The following DACH2 variants were observed in gnomAD, a reference collection of about 807,000 sequenced individuals.
DACH2 encodes the protein dachshund homolog 2.
DACH2 carries 17 observed loss-of-function variants against 35.8 expected under a neutral mutation model. The ratio of observed to expected loss-of-function variants is 0.48; its 90% CI spans 0.33 to 0.71. DACH2 has a LOEUF of 0.71. DACH2 is among the 30% of genes least tolerant of loss of function. The pLI, the probability that DACH2 is intolerant of heterozygous loss-of-function variation, is 0.02. For synonymous variants in DACH2, 195 were observed against 177.3 expected, an observed-to-expected ratio of 1.10 and a Z score of -0.79; for missense variants, 469 against 472.7, an observed-to-expected ratio of 0.99 and a Z score of 0.07.
At chrX:86,513,511 A>T (rs1303327544) in intron 2 of DACH2, among the ~76,000 whole-genome samples, 1 of 111,995 alleles carries the variant, frequency 8.9e-6, no homozygotes, top group Non-Finnish European at 1.9e-5. Context: ...CTGACTTTTT[A>T]TTTCATTATT....
At chrX:86,469,181 G>T (rs1292946099) in intron 2 of DACH2, among the ~76,000 whole-genome samples, 1 of 110,942 alleles carries the variant, frequency 9.0e-6, no homozygotes, top group African/African-American at 3.3e-5. Flanking sequence ...GGAGTAAAAT[G>T]GTGGTTACCA....
At position 86,215,698 on chromosome X, in the gene DACH2, G is replaced by C. The variant is rs900789045; in HGVS notation, c.488+66590G>C. ...GACTAGCCTGAAAAGAGATTGGTTA[G>C]AGTACAAGCACAAATGCTAGGGTCT... On this transcript the variant is annotated intron_variant, in intron 1 of 11. Coordinates refer to ENST00000373125, the MANE Select transcript of DACH2 (RefSeq NM_053281.3). 2.7e-5 allele frequency among the ~76,000 whole-genome samples: 3 copies of C among 111,582 alleles called. No homozygotes were observed. In the Admixed American group the frequency reaches 2.9e-4, roughly 11 times the overall value.
At chrX:86,791,137 G>A (rs756718830) in intron 7 of DACH2, among the ~76,000 whole-genome samples, 1 of 111,186 alleles carries the variant, frequency 9.0e-6, no homozygotes, top group East Asian at 2.8e-4. Flanking sequence ...GGTTAGTCTT[G>A]TTGTCTCAGG....
intron 11 of DACH2, chrX:86,827,783 G>A: frequency 8.6e-7 from 1 of 1,166,083 alleles, no homozygotes. Flanking sequence ...ACTGATGCCG[G>A]AACTCCAACT....
chrX:86,439,081 G>T (rs1453763162), intron 2 of DACH2, among the ~76,000 whole-genome samples: 4 of 111,576 alleles, frequency 3.6e-5, no homozygotes, highest in African/African-American at 1.3e-4. Context: ...TTTAATAATG[G>T]CTATTCTAAC....
chrX:86,725,788 T>G (rs2041461836), intron 6 of DACH2, among the ~76,000 whole-genome samples: 1 of 111,384 alleles, frequency 9.0e-6, no homozygotes, highest in Admixed American at 9.5e-5. Context: ...CTCGTGTTGC[T>G]GGTGCCTGCA....
intron 1 of DACH2, among the ~76,000 whole-genome samples, chrX:86,270,089 T>C (rs767923604): frequency 7.9e-4 from 83 of 104,667 alleles, no homozygotes; most frequent in African/African-American, 2.8e-3. Context: ...TATTTTGTCA[T>C]TCAGATGATT....
rs746283307 is a variant in DACH2 at position 86,536,173 on chromosome X, C to T, written c.640+21782C>T. On this transcript the variant is annotated intron_variant, in intron 3 of 11. Coordinates refer to ENST00000373125, the MANE Select transcript of DACH2 (RefSeq NM_053281.3). ...TTTCTTTGGGAAGAAAACACATGCA[C>T]AAATTCTGATGTTAGGAATATTTTA... 3.6e-5 allele frequency among the ~76,000 whole-genome samples: 4 copies of T among 110,653 alleles called. No individual in the cohort carries two copies. The South Asian group carries it at 1.6e-3, about 43-fold the overall frequency.
chrX:86,308,073 C>A (rs367930620), intron 1 of DACH2, among the ~76,000 whole-genome samples: 2 of 112,105 alleles, frequency 1.8e-5, no homozygotes, highest in South Asian at 3.7e-4. Flanking sequence ...GGAAGGGATC[C>A]AAAGGCTTAG....
At chrX:86,163,013 C>T (rs1490717131) in intron 1 of DACH2, among the ~76,000 whole-genome samples, 1 of 110,410 alleles carries the variant, frequency 9.1e-6, no homozygotes, top group Non-Finnish European at 1.9e-5. Context: ...GTGGGGTATC[C>T]CTCCACTCAA....
At chrX:86,509,417 T>C (rs1186457167) in intron 2 of DACH2, among the ~76,000 whole-genome samples, 1 of 111,642 alleles carries the variant, frequency 9.0e-6, no homozygotes, top group African/African-American at 3.3e-5. Context: ...TTAATGTTAA[T>C]TGCCCATTTT....
intron 5 of DACH2, among the ~76,000 whole-genome samples, chrX:86,709,039 A>G (rs1166959667): frequency 8.9e-6 from 1 of 111,746 alleles, no homozygotes; most frequent in Admixed American, 9.5e-5. Context: ...TGTTTTGTGG[A>G]TACTCACATA....
At chrX:86,805,070 A>AACTC (rs1352779827) in intron 7 of DACH2, among the ~76,000 whole-genome samples, 1 of 112,234 alleles carries the variant, frequency 8.9e-6, no homozygotes, top group Non-Finnish European at 1.9e-5. Flanking sequence ...TGGGGGCTCC[A>AACTC]ACTCCATATT....
At chrX:86,239,390 G>A (rs2033122006) in intron 1 of DACH2, among the ~76,000 whole-genome samples, 1 of 111,549 alleles carries the variant, frequency 9.0e-6, no homozygotes, top group African/African-American at 3.3e-5. Context: ...GGGACAATAT[G>A]TATCTAACAT....
chrX:86,258,118 A>C (rs1157091683), intron 1 of DACH2, among the ~76,000 whole-genome samples: 1 of 112,224 alleles, frequency 8.9e-6, no homozygotes, highest in Non-Finnish European at 1.9e-5. Flanking sequence ...TTGAGTACTA[A>C]TGACATTTTG....
At chrX:86,361,417 A>T (rs1234609348) in intron 1 of DACH2, among the ~76,000 whole-genome samples, 6 of 111,715 alleles carry the variant, frequency 5.4e-5, no homozygotes, top group Non-Finnish European at 9.4e-5. Context: ...AGAGAACTCC[A>T]ACAATTATCT....
intron 2 of DACH2, among the ~76,000 whole-genome samples, chrX:86,479,736 C>G (rs1569416240): frequency 1.8e-5 from 2 of 111,878 alleles, no homozygotes; most frequent in Non-Finnish European, 3.8e-5. Context: ...TCTTTCTTCA[C>G]CTTTACCAAT....
At chrX:86,528,333 T>C (rs1311645642) in intron 3 of DACH2, among the ~76,000 whole-genome samples, 2 of 111,570 alleles carry the variant, frequency 1.8e-5, no homozygotes, top group Non-Finnish European at 3.8e-5. Context: ...GAAAAAGATA[T>C]CCTTTGGAAG....
chrX:86,548,094 G>C (rs1336772243), intron 3 of DACH2, among the ~76,000 whole-genome samples: 1 of 112,409 alleles, frequency 8.9e-6, no homozygotes, highest in African/African-American at 3.2e-5. Flanking sequence ...CCTTCACTTA[G>C]TGTGAAATTG....
Sources: allele counts gnomAD v4.1 joint callset (sites outside exome capture counted in the v4.1 genomes callset), GRCh38; gene constraint gnomAD v4.1.1; transcripts MANE v1.5; gene names NCBI Gene and HGNC (gene_info 2026-07-23, HGNC 2026-07-21).